Variants in ZNF124 observed in about 807,000 individuals in gnomAD.
ZNF124 encodes the protein zinc finger protein HZF-16.
Under a neutral mutation model 26.6 loss-of-function variants are expected in ZNF124, and 25 were observed. That is an observed-to-expected ratio of 0.94 (90% CI 0.68 to 1.31). ZNF124 has a LOEUF of 1.31. ZNF124 is among the 40% of genes most tolerant of loss of function. ZNF124 has a pLI of 0.00. For synonymous variants in ZNF124, 129 were observed against 133.3 expected (o/e 0.97, Z 0.22); for missense variants, 444 against 422.2 (o/e 1.05, Z -0.45).
chr1:247,147,427 A>G (rs1480231670), intron 3 of ZNF124, among the ~76,000 whole-genome samples: 5 of 151,932 alleles, frequency 3.3e-5, no homozygotes, highest in Non-Finnish European at 7.4e-5. Flanking sequence ...GGGTTTCACC[A>G]TATTGGCCAG....
Position 247,168,315 on chromosome 1 carries a change from C to T in ZNF124, c.30+3533G>A, listed in dbSNP as rs922627098. Among the ~76,000 whole-genome samples the T allele has an allele frequency of 6.6e-6, 1 of 152,062 alleles. No homozygotes were observed. Among genetic ancestry groups the T allele is most frequent in the Non-Finnish European group, 1.5e-5 (1 of 68,028 alleles). ...AGGCTGAGGCAGGTGGATAACCTGA[C>T]ATCAGGAGTTCGATACCAGCCTGGC... is the stretch of plus-strand genomic sequence containing the variant. On this transcript the variant is annotated intron_variant, in intron 1 of 3. Transcript: ENST00000543802. The surrounding 1 kb of genome is among the most constrained non-coding windows in gnomAD (Gnocchi z 4.0).
At chr1:247,153,432 A>G (rs1673003176), downstream of ZNF124, among the ~76,000 whole-genome samples, 1 of 152,180 alleles carries the variant, frequency 6.6e-6, no homozygotes, top group African/African-American at 2.4e-5. Context: ...TGGGGACTTG[A>G]TCCTGTCTGG....
At chr1:247,131,942 C>T (rs528884407) in intron 3 of ZNF124, among the ~76,000 whole-genome samples, 7 of 152,276 alleles carry the variant, frequency 4.6e-5, no homozygotes, top group East Asian at 3.9e-4. Flanking sequence ...TTTCATTAAA[C>T]GGGTCCTTTT....
Position 247,159,739 on chromosome 1 carries a change from CT to C in ZNF124, c.104del (p.Lys35ArgfsTer7), listed in dbSNP as rs758934031. The C allele has an allele frequency of 1.2e-6, 2 of 1,613,730 alleles. No homozygotes were observed. Among genetic ancestry groups the C allele is most frequent in the Non-Finnish European group, 1.7e-6 (2 of 1,179,952 alleles). On this transcript the variant is annotated frameshift_variant, in exon 2 of 4. Transcript: ENST00000543802. LOFTEE classifies it high-confidence loss of function. ...CCTGCATCACGTCTCTATAGAGATT[CT>C]TCTGGGAAGGATCCAACAAAGCCCA... The part of the protein sequence containing the change: ...EEWALLDPSQ[K>X]NLYRDVMQET...
chr1:247,162,495 T>C (rs1285832683), intron 1 of ZNF124, among the ~76,000 whole-genome samples: 1 of 152,056 alleles, frequency 6.6e-6, no homozygotes, highest in African/African-American at 2.4e-5. Context: ...GTGTGGTATA[T>C]TATGCCATCT....
At chr1:247,159,319 A>G (rs764601351) in intron 2 of ZNF124, among the ~76,000 whole-genome samples, 6 of 152,176 alleles carry the variant, frequency 3.9e-5, no homozygotes, top group Non-Finnish European at 2.9e-5. Flanking sequence ...GGTTGTTATA[A>G]AAGCAAGTTT....
rs1674103849 is a variant in ZNF124, at chr1:247,171,940, C to T, written c.-63G>A. 8.0e-5 allele frequency: 1 copy of T among 12,510 alleles called. No homozygotes were observed. Among genetic ancestry groups the T allele is most frequent in the Non-Finnish European group, 1.8e-4 (1 of 5,600 alleles). 0.8% of individuals were successfully genotyped at this position (12,510 alleles called of 1,614,324 possible). A position where few individuals can be genotyped will look rare whatever the true frequency, so the allele number is the denominator to read the frequency against. On this transcript the variant is annotated 5_prime_UTR_variant, in exon 1 of 4. Coordinates refer to ENST00000543802, the MANE Select transcript of ZNF124 (RefSeq NM_001297568.2). ...AGGGCCCCGGCTGCGGCAGAGCCTC[C>T]TGAACCGCCGAGAGTGAAGGAGAAG...
intron 3 of ZNF124, among the ~76,000 whole-genome samples, chr1:247,143,754 G>T (rs1672688740): frequency 6.6e-6 from 1 of 152,174 alleles, no homozygotes. Flanking sequence ...GTATTGATAA[G>T]ATTCGTCTCT....
intron 3 of ZNF124, among the ~76,000 whole-genome samples, chr1:247,134,096 T>G (rs933165536): frequency 1.9e-4 from 29 of 152,100 alleles, no homozygotes; most frequent in African/African-American, 6.8e-4. Flanking sequence ...CAAGAGCTCC[T>G]GAAAGAAGCA....
intron 1 of ZNF124, among the ~76,000 whole-genome samples, chr1:247,163,758 G>A (rs150271020): frequency 2.0e-3 from 302 of 152,250 alleles, no homozygotes; most frequent in African/African-American, 7.0e-3. Flanking sequence ...AAACTAAAGA[G>A]GAGAAACTCC....
intron 3 of ZNF124, among the ~76,000 whole-genome samples, chr1:247,147,733 C>T (rs188030841): frequency 3.0e-4 from 45 of 152,258 alleles, no homozygotes; most frequent in African/African-American, 1.1e-3. Flanking sequence ...AATTCTGTCT[C>T]TCTCACACTC....
At chr1:247,152,627 T>C (rs973413423), downstream of ZNF124, among the ~76,000 whole-genome samples, 1 of 152,310 alleles carries the variant, frequency 6.6e-6, no homozygotes, top group Non-Finnish European at 1.5e-5. Context: ...GCTTTTACAT[T>C]CTTAATGTGC....
At chr1:247,160,270 C>T (rs1352309616) in intron 1 of ZNF124, among the ~76,000 whole-genome samples, 1 of 152,224 alleles carries the variant, frequency 6.6e-6, no homozygotes, top group Non-Finnish European at 1.5e-5. Flanking sequence ...AGGCGTGAGC[C>T]ACCGCGCTCA....
intron 3 of ZNF124, among the ~76,000 whole-genome samples, chr1:247,124,430 T>C (rs1420322010): frequency 6.6e-6 from 1 of 151,546 alleles, no homozygotes; most frequent in African/African-American, 2.4e-5. Context: ...CTTAAACTCC[T>C]GACCTTGTGA....
chr1:247,145,893 G>A (rs762741390), intron 3 of ZNF124, among the ~76,000 whole-genome samples: 2 of 152,164 alleles, frequency 1.3e-5, no homozygotes, highest in African/African-American at 4.8e-5. Context: ...AAAGTGCTGG[G>A]ATTACAGGCG....
At chr1:247,146,221 C>A (rs988033612) in intron 3 of ZNF124, among the ~76,000 whole-genome samples, 1 of 152,150 alleles carries the variant, frequency 6.6e-6, no homozygotes, top group Non-Finnish European at 1.5e-5. Context: ...GAAGTGGGGG[C>A]CCCATAGAGC....
At position 247,155,888 on chromosome 1, in the gene ZNF124, A is replaced by G; in HGVS notation, c.*678T>C. ...AAAAAAAAAAAAAAGTCTCACCTCA[A>G]TTTTTTTTTTTTCAAAAGAAGTGAA... On this transcript the variant is annotated 3_prime_UTR_variant, in exon 4 of 4. Transcript: ENST00000543802. 1 of 743,150 alleles carries G rather than the reference A, an allele frequency of 1.3e-6. No individual in the cohort carries two copies. Among genetic ancestry groups the G allele is most frequent in the Non-Finnish European group, 1.6e-6 (1 of 613,972 alleles). The allele number at this position is 743,150 out of a possible 1,614,324, so 46.0% of individuals were successfully genotyped here.
At chr1:247,151,254 C>T (rs930251237), downstream of ZNF124, among the ~76,000 whole-genome samples, 7 of 151,844 alleles carry the variant, frequency 4.6e-5, no homozygotes, top group Non-Finnish European at 7.4e-5. Flanking sequence ...TCGAGGCGGG[C>T]GGATCATGAG....
downstream of ZNF124, among the ~76,000 whole-genome samples, chr1:247,150,502 AAAAAT>A (rs1672899790): frequency 6.6e-6 from 1 of 152,230 alleles, no homozygotes; most frequent in Non-Finnish European, 1.5e-5. Flanking sequence ...CTTACTGGAA[AAAAAT>A]AAAATTACTA....
Sources: gnomAD v4.1 joint callset for allele counts (sites outside exome capture counted in the v4.1 genomes callset) on GRCh38, gnomAD v4.1.1 for gene constraint, Gnocchi (gnomAD v3.1) non-coding constraint, MANE v1.5 for transcripts, NCBI Gene and HGNC (gene_info 2026-07-23, HGNC 2026-07-21) for gene names.